Variants in TMEM94 observed in about 807,000 individuals in gnomAD.
The protein encoded by TMEM94 is transmembrane protein 94, also known as ER Mg2+ ATPase.
Under a neutral mutation model 158.6 loss-of-function variants are expected in TMEM94, and 81 were observed. The ratio of observed to expected loss-of-function variants is 0.51; its 90% CI spans 0.43 to 0.61. The LOEUF (loss-of-function observed/expected upper bound fraction) is 0.61. TMEM94 is among the 20% of genes least tolerant of loss of function. The pLI is 0.00. For synonymous variants in TMEM94, 751 were observed against 730.7 expected (o/e 1.03, Z -0.45); for missense variants, 1,435 against 1,762.0 (o/e 0.81, Z 3.32).
At chr17:75,471,080 T>C (rs1437022347) in intron 1 of TMEM94, among the ~76,000 whole-genome samples, 1 of 149,746 alleles carries the variant, frequency 6.7e-6, no homozygotes, top group Non-Finnish European at 1.5e-5. Context: ...TTACTAAAAA[T>C]ACAAAAATTA....
At chr17:75,471,056 G>C (rs889936834) in intron 1 of TMEM94, among the ~76,000 whole-genome samples, 16 of 151,826 alleles carry the variant, frequency 1.1e-4, no homozygotes, top group African/African-American at 3.4e-4. Flanking sequence ...GGCCAATATG[G>C]TGAAACCCCG....
rs1421273156 is a variant in TMEM94 at position 75,463,096 on chromosome 17, A to ATGTGTG, written c.-107+6346_-107+6347insGTGTGT. ...TATATATATACACACACACACACATATATATGTGTGTATATATATGTATAT... is the reference window on the plus strand; with the variant it reads ...TATATATATACACACACACACACATATGTGTGTATATGTGTGTATATATATGTATAT... On this transcript the variant is annotated intron_variant, in intron 1 of 31. Transcript: ENST00000314256. 3.1e-3 allele frequency among the ~76,000 whole-genome samples: 38 copies of ATGTGTG among 12,360 alleles called. 2 individuals are homozygous for ATGTGTG. The African/African-American group carries it at 0.046, about 15-fold the overall frequency. 8.1% of individuals were successfully genotyped at this position (12,360 alleles called of 152,430 possible). A position where few individuals can be genotyped will look rare whatever the true frequency, so the allele number is the denominator to read the frequency against.
intron 2 of TMEM94, chr17:75,476,422 TC>T (rs2050693529): frequency 9.7e-7 from 1 of 1,034,316 alleles, no homozygotes; most frequent in Non-Finnish European, 1.3e-6. Flanking sequence ...TTTCCTCTTC[TC>T]CCCTCCCTCC....
intron 2 of TMEM94, among the ~76,000 whole-genome samples, chr17:75,472,210 C>T (rs1429690525): frequency 1.3e-5 from 2 of 152,188 alleles, no homozygotes; most frequent in Admixed American, 6.5e-5. Flanking sequence ...CACTTCTTGC[C>T]CAGGGGTGTG....
At position 75,462,006 on chromosome 17, in the gene TMEM94, G is replaced by GTT. The variant is rs1319139834; in HGVS notation, c.-107+5258_-107+5259dup. Among the ~76,000 whole-genome samples, 71 of 100,430 alleles carry GTT rather than the reference G, an allele frequency of 7.1e-4. 4 individuals carry two copies. Among genetic ancestry groups the GTT allele is most frequent in the East Asian group, 1.4e-3 (5 of 3,576 alleles). 65.9% of individuals were successfully genotyped at this position (100,430 alleles called of 152,430 possible). A position where few individuals can be genotyped will look rare whatever the true frequency, so the allele number is the denominator to read the frequency against. On this transcript the variant is annotated intron_variant, in intron 1 of 31. Coordinates refer to ENST00000314256, the MANE Select transcript of TMEM94 (RefSeq NM_014738.6). ...TTTACAGTTTTTTTTGTTTTGTTTT[G>GTT]TTTTGTTTTTTTTTTTTTTGAGGCA... is the stretch of plus-strand genomic sequence containing the variant.
At chr17:75,471,003 CT>C (rs918253207) in intron 1 of TMEM94, among the ~76,000 whole-genome samples, 11 of 151,448 alleles carry the variant, frequency 7.3e-5, no homozygotes, top group Admixed American at 7.3e-4. Context: ...CTTTGGGAGG[CT>C]GAGGCGGGTG....
chr17:75,485,359 G>A lies in TMEM94; in HGVS notation c.25-69G>A. The A allele has an allele frequency of 6.4e-7, 1 of 1,566,870 alleles. No homozygotes were observed. Among genetic ancestry groups the A allele is most frequent in the East Asian group, 2.3e-5 (1 of 44,148 alleles). The stretch of plus-strand genomic sequence containing the variant: ...GGATGAAGGGCCAGGGAAGGGGAGG[G>A]TTGGGGCCCGCGTGCCTTGCATAGC... On this transcript the variant is annotated intron_variant, in intron 2 of 31. Transcript: ENST00000314256. The surrounding 1 kb of genome is among the most constrained non-coding windows in gnomAD (Gnocchi z 5.5).
chr17:75,486,134 C>A, intron 4 of TMEM94, 136 bp downstream of exon 4: 1 of 1,444,580 alleles, frequency 6.9e-7, no homozygotes. Flanking sequence ...TCCTCAGTCC[C>A]TTGAATGGGG....
rs558259942 is a variant in TMEM94 at position 75,487,748 on chromosome 17, C to T, written c.410-184C>T. Among the ~76,000 whole-genome samples the T allele has an allele frequency of 2.6e-5, 4 of 152,168 alleles. No homozygotes were observed. The highest frequency in any genetic ancestry group is 2.1e-4 in the South Asian group (1 of 4,822). On this transcript the variant is annotated intron_variant, in intron 5 of 31. Coordinates refer to ENST00000314256, the MANE Select transcript of TMEM94 (RefSeq NM_014738.6). The surrounding 1 kb of genome is among the most constrained non-coding windows in gnomAD (Gnocchi z 4.6). ...GTAGAGGCTCTGGGGCTGGAGTGGC[C>T]GGGTAGGGCTTTATAAGGGAGGCAT...
rs974281287 is a variant in TMEM94, at chr17:75,498,072, C to A, written c.3490-103C>A. On this transcript the variant is annotated intron_variant, in intron 27 of 31. Coordinates refer to ENST00000314256, the MANE Select transcript of TMEM94 (RefSeq NM_014738.6). This position sits in a 1 kb window ranked among gnomAD's most constrained non-coding sequence, Gnocchi z 6.7. ...CTGGGGCTTGAGCTCCCTATCCCCC[C>A]AGGCCTGACCATTTACTAAGAGCCC... is the stretch of plus-strand genomic sequence containing the variant. 86 of 1,487,136 alleles carry A rather than the reference C, an allele frequency of 5.8e-5. No individual in the cohort carries two copies. Among genetic ancestry groups the A allele is most frequent in the South Asian group, 4.9e-4 (40 of 81,476 alleles). 92.1% of individuals were successfully genotyped at this position (1,487,136 alleles called of 1,614,324 possible).
chr17:75,493,344 A>G, intron 16 of TMEM94, 147 bp from the exon 17 acceptor site: 1 of 885,386 alleles, frequency 1.1e-6, no homozygotes, highest in Non-Finnish European at 1.8e-6. Flanking sequence ...GTGGCATTGC[A>G]GAGCCTTGCT....
In TMEM94 at chr17:75,495,861, G is replaced by A; in HGVS notation, c.2945-105G>A. On this transcript the variant is annotated intron_variant, in intron 22 of 31. Coordinates refer to ENST00000314256, the MANE Select transcript of TMEM94 (RefSeq NM_014738.6). The surrounding 1 kb of genome is among the most constrained non-coding windows in gnomAD (Gnocchi z 5.6). ...GGGGGTGGGATTGTTTCAAAGAGGG[G>A]CCCACCTCCCATCGCCTCCTGCTCT... 1 of 884,934 alleles carries A rather than the reference G, an allele frequency of 1.1e-6. No individual in the cohort carries two copies. The highest frequency in any genetic ancestry group is 1.5e-5 in the South Asian group (1 of 64,658). 54.8% of individuals were successfully genotyped at this position (884,934 alleles called of 1,614,324 possible).
At chr17:75,474,788 A>G (rs1057078713) in intron 2 of TMEM94, among the ~76,000 whole-genome samples, 3 of 152,154 alleles carry the variant, frequency 2.0e-5, no homozygotes, top group Non-Finnish European at 4.4e-5. Flanking sequence ...TTAGCTCTTG[A>G]TGGTTCTCTG....
intron 1 of TMEM94, among the ~76,000 whole-genome samples, chr17:75,465,679 A>ATTTTTTTTTTTTTTTTTTTTTTTT (rs66618031): frequency 8.0e-6 from 1 of 124,846 alleles, no homozygotes; most frequent in African/African-American, 3.5e-5. Flanking sequence ...ATATATATAT[A>ATTTTTTTTTTTTTTTTTTTTTTTT]TTTTTTTTTA....
chr17:75,498,120 G>A lies in TMEM94; in HGVS notation c.3490-55G>A, dbSNP rs1302997912. 15 of 1,604,652 alleles carry A rather than the reference G, an allele frequency of 9.3e-6. No individual in the cohort carries two copies. The Admixed American group carries it at 2.5e-4, about 27-fold the overall frequency. On this transcript the variant is annotated intron_variant, in intron 27 of 31. Transcript: ENST00000314256. This position sits in a 1 kb window ranked among gnomAD's most constrained non-coding sequence, Gnocchi z 6.7. ...CCCGTTGAATACGTGGAAGAGCTAGGAGCAGCCGGCAGAGGGGCTGTGCGC... is the reference window on the plus strand; with the variant it reads ...CCCGTTGAATACGTGGAAGAGCTAGAAGCAGCCGGCAGAGGGGCTGTGCGC...
chr17:75,493,525 T>C lies in TMEM94; in HGVS notation c.2121T>C (p.Asp707=), dbSNP rs1326347225. The change falls in exon 17 of 32, where the codon GAT becomes GAC. Residue 707 remains aspartate (D), a synonymous_variant. Transcript: ENST00000314256. ...TEQMLSHGTA[D]VVLEACTDFW... The stretch of plus-strand genomic sequence containing the variant: ...AGATGCTGTCCCATGGCACCGCTGA[T>C]GTGGTCTTAGAGGCCTGCACAGACT... 2 of 1,614,036 alleles carry C rather than the reference T, an allele frequency of 1.2e-6. No individual in the cohort carries two copies. The highest frequency in any genetic ancestry group is 1.7e-6 in the Non-Finnish European group (2 of 1,180,018).
At chr17:75,490,371 T>TG in intron 10 of TMEM94, 21 bp downstream of exon 10, 1 of 1,608,340 alleles carries the variant, frequency 6.2e-7, no homozygotes, top group Non-Finnish European at 8.5e-7. Context: ...CCAAGGTGTC[T>TG]GGGGGAAGTC....
At chr17:75,488,223 T>C in intron 6 of TMEM94, 89 bp downstream of exon 6, 1 of 1,300,856 alleles carries the variant, frequency 7.7e-7, no homozygotes, top group South Asian at 1.2e-5. Context: ...ATCCGGAAGC[T>C]TCCCGGCCAG....
At chr17:75,486,213 G>C in intron 4 of TMEM94, 77 bp from the exon 5 acceptor site, 2 of 1,587,408 alleles carry the variant, frequency 1.3e-6, no homozygotes, top group Non-Finnish European at 1.7e-6. Context: ...GGGTGGGAAG[G>C]GGAGCTGTGG....
Sources: gnomAD v4.1 joint callset for allele counts (sites outside exome capture counted in the v4.1 genomes callset) on GRCh38, gnomAD v4.1.1 for gene constraint, Gnocchi (gnomAD v3.1) non-coding constraint, MANE v1.5 for transcripts, NCBI Gene and HGNC (gene_info 2026-07-23, HGNC 2026-07-21) for gene names.